SLC44A5: variants seen among roughly 807,000 people sequenced by gnomAD.
SLC44A5 encodes the protein solute carrier family 44 member 5.
SLC44A5 carries 57 observed loss-of-function variants against 101.8 expected under a neutral mutation model. That is an observed-to-expected ratio of 0.56 (90% CI 0.45 to 0.70). SLC44A5 has a LOEUF of 0.70. SLC44A5 is among the 30% of genes least tolerant of loss of function. The pLI, the probability that SLC44A5 is intolerant of heterozygous loss-of-function variation, is 0.00. For synonymous variants in SLC44A5, 281 were observed against 290.9 expected (o/e 0.97, Z 0.35); for missense variants, 737 against 853.1 (o/e 0.86, Z 1.70).
chr1:75,203,826 A>G lies in SLC44A5; in HGVS notation c.2055T>C (p.Asp685=), dbSNP rs903062300. 3.9e-6 allele frequency: 6 copies of G among 1,548,200 alleles called. No individual in the cohort carries two copies. Among genetic ancestry groups the G allele is most frequent in the Non-Finnish European group, 5.2e-6 (6 of 1,145,458 alleles). Residue 685 remains aspartate, a synonymous_variant, in exon 24 of 24, where the codon GAT becomes GAC. Transcript: ENST00000370859. ...VETIFICFLE[D]LERNDGSTAR... is the part of the protein sequence containing the mutation. ...CAGTAGAACCATCATTTCTTTCTAA[A>G]TCTTCCACTAGGAGGAAGAATGGTA...
At chr1:75,209,744 C>T (rs1227075045) in intron 23 of SLC44A5, among the ~76,000 whole-genome samples, 1 of 152,240 alleles carries the variant, frequency 6.6e-6, no homozygotes, top group South Asian at 2.1e-4. Flanking sequence ...TCTCTTGATC[C>T]CAGTGTGAAG....
In SLC44A5 at chr1:75,505,358, T is replaced by C. The variant is rs563366426; in HGVS notation, c.13+36077A>G. On this transcript the variant is annotated intron_variant, in intron 2 of 23. Transcript: ENST00000370859. ...GTGTCCTTTTGGTAGAATGATTTGTTTTTCTTTGGGATACTAATGGGATAG... is the reference window on the plus strand; with the variant it reads ...GTGTCCTTTTGGTAGAATGATTTGTCTTTCTTTGGGATACTAATGGGATAG... 6.6e-5 allele frequency among the ~76,000 whole-genome samples: 10 copies of C among 152,246 alleles called. No homozygotes were observed. The South Asian group carries it at 1.7e-3, about 25-fold the overall frequency.
chr1:75,507,929 G>A (rs1669359929), intron 2 of SLC44A5, among the ~76,000 whole-genome samples: 1 of 151,994 alleles, frequency 6.6e-6, no homozygotes, highest in African/African-American at 2.4e-5. Context: ...AATAATAGTG[G>A]GAGACTTCAA....
At chr1:75,463,126 T>TA (rs1210687854) in intron 2 of SLC44A5, among the ~76,000 whole-genome samples, 8 of 151,940 alleles carry the variant, frequency 5.3e-5, no homozygotes, top group Non-Finnish European at 2.9e-5. Flanking sequence ...CAAGGATTAA[T>TA]AAAAAAAGAT....
At chr1:75,685,494 G>A in the SLC44A5 span, among the ~76,000 whole-genome samples, 1 of 152,108 alleles carries the variant, frequency 6.6e-6, no homozygotes, top group Admixed American at 6.6e-5. Flanking sequence ...ACATAAAACT[G>A]AATGGTATTA....
At chr1:75,712,690 C>G in the SLC44A5 span, among the ~76,000 whole-genome samples, 1 of 15,710 alleles carries the variant, frequency 6.4e-5, no homozygotes, top group Non-Finnish European at 1.1e-4. Context: ...ACAAAACAAG[C>G]ATTTGAGAAA....
At chr1:75,204,407 T>C (rs188760683) in intron 23 of SLC44A5, 1 of 152,306 alleles carries the variant, frequency 6.6e-6, no homozygotes, top group East Asian at 1.9e-4. Flanking sequence ...TGGAGAATAT[T>C]TTTCTGACTA....
intron 2 of SLC44A5, among the ~76,000 whole-genome samples, chr1:75,432,605 T>C (rs1015635529): frequency 6.6e-6 from 1 of 152,108 alleles, no homozygotes; most frequent in Non-Finnish European, 1.5e-5. Context: ...GCAAGTAAAT[T>C]ATTGCTTGAG....
chr1:75,205,417 G>A (rs1034000414), intron 23 of SLC44A5: 3 of 152,128 alleles, frequency 2.0e-5, no homozygotes, highest in African/African-American at 7.2e-5. Flanking sequence ...ATTTTTACAT[G>A]GTTAACCACA....
intron 2 of SLC44A5, among the ~76,000 whole-genome samples, chr1:75,530,874 G>T (rs1005640512): frequency 3.9e-5 from 6 of 152,126 alleles, no homozygotes; most frequent in Non-Finnish European, 8.8e-5. Context: ...GTCAGAAGTA[G>T]GTCACATACC....
At chr1:75,628,613 CA>C in the SLC44A5 span, among the ~76,000 whole-genome samples, 10 of 152,086 alleles carry the variant, frequency 6.6e-5, no homozygotes, top group South Asian at 2.1e-3. Flanking sequence ...ATATGAATAG[CA>C]AATGGGAAAA....
chr1:75,321,732 T>C (rs916634576), intron 4 of SLC44A5, among the ~76,000 whole-genome samples: 1 of 152,232 alleles, frequency 6.6e-6, no homozygotes, highest in Non-Finnish European at 1.5e-5. Context: ...TCCACATGTA[T>C]TTTAAAAATC....
chr1:75,620,587 T>C, the SLC44A5 span, among the ~76,000 whole-genome samples: 1 of 152,220 alleles, frequency 6.6e-6, no homozygotes, highest in Non-Finnish European at 1.5e-5. Context: ...CCAGTGATGA[T>C]GAGCATTTTT....
intron 2 of SLC44A5, among the ~76,000 whole-genome samples, chr1:75,526,680 T>C (rs1469018917): frequency 1.3e-5 from 2 of 152,248 alleles, no homozygotes; most frequent in Admixed American, 1.3e-4. Context: ...GCATCCAGTT[T>C]ACCCTTTCTT....
chr1:75,325,075 A>C (rs1397078778), intron 4 of SLC44A5, among the ~76,000 whole-genome samples: 1 of 152,142 alleles, frequency 6.6e-6, no homozygotes, highest in African/African-American at 2.4e-5. Context: ...AGTAAACAAA[A>C]AATTCTCAAC....
In SLC44A5 at chr1:75,238,611, G is replaced by T; in HGVS notation, c.558C>A (p.Phe186Leu). 1.3e-6 allele frequency: 2 copies of T among 1,576,392 alleles called. No individual in the cohort carries two copies. Among genetic ancestry groups the T allele is most frequent in the Middle Eastern group, 1.7e-4 (1 of 5,950 alleles). Residue 186 changes from phenylalanine (F) to leucine (L), a missense_variant, in exon 10 of 24, where the codon TTC (phenylalanine) becomes TTA (leucine). Physicochemically the swap from Phe to Leu is conservative, Grantham distance 22. Around this residue, in one of 3 missense-constraint regions of SLC44A5, gnomAD observed 665 missense variants for 764.4 expected, o/e 0.87. Coordinates refer to ENST00000370859, the MANE Select transcript of SLC44A5 (RefSeq NM_001130058.2). ...TTGTTAAAGTGCCATTTTTGGTAGA[G>T]AAGTCAGGGAAACATCTCTGGAGAA... is the stretch of plus-strand genomic sequence containing the variant. Reference protein sequence around the residue: ...KPFLQRCFPDFSTKNGTLTIG... With the variant: ...KPFLQRCFPDLSTKNGTLTIG...
the SLC44A5 span, among the ~76,000 whole-genome samples, chr1:75,622,904 A>T: frequency 6.6e-6 from 1 of 152,252 alleles, no homozygotes; most frequent in African/African-American, 2.4e-5. Context: ...TATATGAGTG[A>T]ATCATTTGCA....
At chr1:75,501,163 A>G (rs1008138786) in intron 2 of SLC44A5, among the ~76,000 whole-genome samples, 21 of 149,382 alleles carry the variant, frequency 1.4e-4, no homozygotes, top group Non-Finnish European at 2.8e-4. Flanking sequence ...AAAAAACTCC[A>G]TCCAACTCCA....
intron 2 of SLC44A5, among the ~76,000 whole-genome samples, chr1:75,418,807 TGATTAAAAGTAA>T (rs1663822784): frequency 6.6e-6 from 1 of 152,194 alleles, no homozygotes; most frequent in Non-Finnish European, 1.5e-5. Context: ...ATTTTTGAAT[TGATTAAAAGTAA>T]AGCAGGAGAA....
Sources: allele counts gnomAD v4.1 joint callset (sites outside exome capture counted in the v4.1 genomes callset), GRCh38; gene constraint gnomAD v4.1.1; regional missense constraint gnomAD v4.1.1; transcripts MANE v1.5; gene names NCBI Gene and HGNC (gene_info 2026-07-23, HGNC 2026-07-21).